MDN1: variants seen among roughly 807,000 people sequenced by gnomAD.
MDN1 encodes midasin.
A neutral mutation model predicts 669.2 loss-of-function variants in MDN1; 266 were observed. The ratio of observed to expected loss-of-function variants is 0.40; its 90% CI spans 0.36 to 0.44. The LOEUF is 0.44. Ranked by LOEUF, MDN1 falls within the 20% of genes least tolerant of loss-of-function variation. The probability of loss-of-function intolerance (pLI) is 1.00; values close to 1 mark genes in which losing one functional copy is unlikely to be tolerated. For synonymous variants in MDN1, 2,385 were observed against 2,457.1 expected, an observed-to-expected ratio of 0.97 and a Z score of 0.87; for missense variants, 5,940 against 6,754.0, an observed-to-expected ratio of 0.88 and a Z score of 4.22.
At chr6:89,678,890 C>T in intron 74 of MDN1, 145 bp from the exon 75 acceptor site, 9 of 788,688 alleles carry the variant, frequency 1.1e-5, no homozygotes, top group Non-Finnish European at 1.7e-5. Context: ...TTAACATAGT[C>T]CCTAGCATTT....
chr6:89,785,064 T>C lies in MDN1; in HGVS notation c.1397A>G (p.Lys466Arg). ...ATCCAGGTGAATTTTGGTCCAATAT[T>C]TGTCTAGCAAAGTAGCATGACTGTT... ...PLNSHATLLD[K>R]YWTKIHLDNL... Residue 466 changes from lysine to arginine, a missense_variant, in exon 9 of 102, where the codon AAA becomes AGA. Around this residue, in one of 5 missense-constraint regions of MDN1, gnomAD observed 1,203 missense variants for 1,268.9 expected, o/e 0.95. Coordinates refer to ENST00000369393, the MANE Select transcript of MDN1 (RefSeq NM_014611.3). The C allele has an allele frequency of 6.2e-7, 1 of 1,614,162 alleles. No individual in the cohort carries two copies. The highest frequency in any genetic ancestry group is 8.5e-7 in the Non-Finnish European group (1 of 1,179,992).
chr6:89,745,134 T>TAAAAAAAA (rs60588845), intron 29 of MDN1, 139 bp downstream of exon 29: 79 of 282,986 alleles, frequency 2.8e-4, no homozygotes, highest in East Asian at 1.2e-3. Flanking sequence ...AGTCTCTTCT[T>TAAAAAAAA]AAAAAAAAAA....
At chr6:89,716,503 G>C (rs1193581114) in intron 44 of MDN1, 147 bp downstream of exon 44, 9 of 719,836 alleles carry the variant, frequency 1.3e-5, no homozygotes, top group African/African-American at 7.4e-5. Context: ...TCACCACAGG[G>C]AGAAGTCTAC....
chr6:89,693,374 T>C (rs1378078418), intron 62 of MDN1, among the ~76,000 whole-genome samples: 1 of 152,222 alleles, frequency 6.6e-6, no homozygotes, highest in Middle Eastern at 3.2e-3. Flanking sequence ...GATGCATATC[T>C]TACTGAAGCC....
In MDN1 at chr6:89,727,877, A is replaced by AG; in HGVS notation, c.5427dup (p.Leu1811ThrfsTer14). Reference sequence around the variant, plus strand: ...TGGCCTGCCTTCAAAGCTGCCAGTAAGGGGCCATCACGCCAGGCAAACTCT... The same window carrying AG: ...TGGCCTGCCTTCAAAGCTGCCAGTAAGGGGGCCATCACGCCAGGCAAACTCT... On this transcript the variant is annotated frameshift_variant, in exon 37 of 102. Transcript: ENST00000369393. LOFTEE classifies it high-confidence loss of function. 1 of 1,614,064 alleles carries AG rather than the reference A, an allele frequency of 6.2e-7. No homozygotes were observed. The highest frequency in any genetic ancestry group is 8.5e-7 in the Non-Finnish European group (1 of 1,179,972).
chr6:89,664,769 T>G, intron 84 of MDN1, 141 bp from the exon 85 acceptor site: 1 of 628,942 alleles, frequency 1.6e-6, no homozygotes, highest in Non-Finnish European at 2.6e-6. Context: ...GACAGCCACA[T>G]GGAATTTGTA....
chr6:89,734,993 C>A (rs1044728392), intron 33 of MDN1, among the ~76,000 whole-genome samples: 2 of 150,836 alleles, frequency 1.3e-5, no homozygotes, highest in East Asian at 4.0e-4. Flanking sequence ...CGGGTTCAAG[C>A]GATTCTCCTG....
Position 89,745,525 on chromosome 6 carries a change from G to A in MDN1, c.4006C>T (p.Leu1336Phe). The change falls in exon 28 of 102, where the codon CTT becomes TTT. Residue 1336 changes from leucine (L) to phenylalanine (F), a missense_variant. Physicochemically the swap from Leu to Phe is conservative, Grantham distance 22. Coordinates refer to ENST00000369393, the MANE Select transcript of MDN1 (RefSeq NM_014611.3). Reference protein sequence around the residue: ...HFKKKLCPQSLFSKENVLKLL... With the variant: ...HFKKKLCPQSFFSKENVLKLL... ...TTTAGAACATTTTCTTTGGAGAAAA[G>A]AGATTGAGGACACAATTTTTTCTTG... The A allele has an allele frequency of 6.2e-7, 1 of 1,614,100 alleles. No individual in the cohort carries two copies. The highest frequency in any genetic ancestry group is 1.1e-5 in the South Asian group (1 of 91,076).
chr6:89,747,706 A>G (rs1338924874), intron 26 of MDN1, among the ~76,000 whole-genome samples: 3 of 151,226 alleles, frequency 2.0e-5, no homozygotes, highest in Non-Finnish European at 4.4e-5. Flanking sequence ...CCTGGCTAAC[A>G]TGGTGAAACC....
intron 1 of MDN1, among the ~76,000 whole-genome samples, chr6:89,819,043 C>T (rs1769068341): frequency 6.6e-6 from 1 of 152,158 alleles, no homozygotes; most frequent in Non-Finnish European, 1.5e-5. Context: ...TTTATCTATC[C>T]ACTTTCTCAC....
At chr6:89,785,148 A>G (rs1490766490) in intron 8 of MDN1, 22 bp from the exon 9 acceptor site, 1 of 1,572,530 alleles carries the variant, frequency 6.4e-7, no homozygotes, top group East Asian at 2.2e-5. Context: ...AATAAAAAAC[A>G]CAGTCACACA....
Position 89,692,803 on chromosome 6 carries a change from A to G in MDN1, c.10227T>C (p.His3409=), listed in dbSNP as rs778148437. Reference sequence around the variant, plus strand: ...GCTCAGAGGCCACCAGCCTCATGCCATGTTGTAACTGCAATATGGATGCCT... The same window carrying G: ...GCTCAGAGGCCACCAGCCTCATGCCGTGTTGTAACTGCAATATGGATGCCT... ...PLQASILQLQ[H]GMRLVASELH... is the part of the protein sequence containing the mutation. Residue 3409 remains histidine, a synonymous_variant, in exon 63 of 102, where the codon CAT becomes CAC. Transcript: ENST00000369393. The G allele has an allele frequency of 5.6e-6, 9 of 1,614,202 alleles. No individual in the cohort carries two copies. In the East Asian group the frequency reaches 2.0e-4, roughly 36 times the overall value.
chr6:89,794,297 A>G, intron 3 of MDN1, 90 bp from the exon 4 acceptor site: 1 of 745,294 alleles, frequency 1.3e-6, no homozygotes, highest in Non-Finnish European at 2.2e-6. Context: ...ACACTAGAAA[A>G]GGAAATCTCA....
chr6:89,806,272 G>A (rs905586323), intron 1 of MDN1, among the ~76,000 whole-genome samples: 9 of 152,092 alleles, frequency 5.9e-5, no homozygotes, highest in Non-Finnish European at 1.2e-4. Flanking sequence ...TTACATTGCA[G>A]AGGAAAGAAA....
rs983227611 is a variant in MDN1, at chr6:89,722,862, A to T, written c.5967+93T>A. On this transcript the variant is annotated intron_variant, in intron 40 of 101. Transcript: ENST00000369393. The stretch of plus-strand genomic sequence containing the variant: ...ACCCAGTCTCAAAAAAAAAAAAAAA[A>T]AAAAAGGCTTGCAATTAGTGTATGT... 37 of 1,168,820 alleles carry T rather than the reference A, an allele frequency of 3.2e-5. 1 individual carries two copies. The highest frequency in any genetic ancestry group is 1.3e-4 in the East Asian group (5 of 39,594). The allele number at this position is 1,168,820 out of a possible 1,614,324, so 72.4% of individuals were successfully genotyped here. A position where few individuals can be genotyped will look rare whatever the true frequency, so the allele number is the denominator to read the frequency against.
At chr6:89,659,991 G>A (rs909888166) in intron 88 of MDN1, among the ~76,000 whole-genome samples, 33 of 152,220 alleles carry the variant, frequency 2.2e-4, no homozygotes, top group Non-Finnish European at 5.9e-5. Context: ...GGGTTCAAGC[G>A]ATTCTCCTGC....
chr6:89,675,452 A>T lies in MDN1; in HGVS notation c.12761+12T>A. 2 of 1,607,766 alleles carry T rather than the reference A, an allele frequency of 1.2e-6. No homozygotes were observed. Among genetic ancestry groups the T allele is most frequent in the South Asian group, 1.1e-5 (1 of 90,824 alleles). On this transcript the variant is annotated intron_variant, in intron 78 of 101. Transcript: ENST00000369393. ...CCAATTCATGCCACAAGCCCAACTCATCAGCTGATACCTGAGGATGATCCA... is the reference window on the plus strand; with the variant it reads ...CCAATTCATGCCACAAGCCCAACTCTTCAGCTGATACCTGAGGATGATCCA...
At chr6:89,698,536 T>C (rs576153161) in intron 59 of MDN1, among the ~76,000 whole-genome samples, 1 of 152,346 alleles carries the variant, frequency 6.6e-6, no homozygotes, top group South Asian at 2.1e-4. Flanking sequence ...CAGAAGGATA[T>C]AGAACAGAGT....
Position 89,747,310 on chromosome 6 carries a change from C to T in MDN1, c.3904+19G>A, listed in dbSNP as rs1312470529. 1 of 1,604,568 alleles carries T rather than the reference C, an allele frequency of 6.2e-7. No individual in the cohort carries two copies. Among genetic ancestry groups the T allele is most frequent in the East Asian group, 2.2e-5 (1 of 44,756 alleles). Reference sequence around the variant, plus strand: ...ATTTAACATAACTATATATTGAGAGCATTTGATTGAAAACACACCATCATT... The same window carrying T: ...ATTTAACATAACTATATATTGAGAGTATTTGATTGAAAACACACCATCATT... On this transcript the variant is annotated intron_variant, in intron 27 of 101. Transcript: ENST00000369393.
Sources: gnomAD v4.1 joint callset for allele counts (sites outside exome capture counted in the v4.1 genomes callset) on GRCh38, gnomAD v4.1.1 for gene constraint, gnomAD v4.1.1 regional missense constraint, MANE v1.5 for transcripts, NCBI Gene and HGNC (gene_info 2026-07-23, HGNC 2026-07-21) for gene names.